POLR1C: variants seen among roughly 807,000 people sequenced by gnomAD.
POLR1C encodes the protein DNA-directed RNA polymerases I and III subunit RPAC1.
A neutral mutation model predicts 38.3 loss-of-function variants in POLR1C; 42 were observed. That is an observed-to-expected ratio of 1.10 (90% CI 0.86 to 1.42). The LOEUF is 1.42. Ranked by LOEUF, POLR1C falls within the 40% of genes most tolerant of loss-of-function variation. The probability of loss-of-function intolerance (pLI) is 0.00; values close to 1 mark genes in which losing one functional copy is unlikely to be tolerated. For missense variants in POLR1C, 507 were observed against 450.5 expected (o/e 1.13, Z -1.14); for synonymous variants, 163 against 163.9 (o/e 0.99, Z 0.04).
At chr6:43,533,867 A>T, downstream of POLR1C, 1 of 1,477,074 alleles carries the variant, frequency 6.8e-7, no homozygotes, top group Non-Finnish European at 9.3e-7. Flanking sequence ...TCCATTAGGG[A>T]TAAGATAAAC....
chr6:43,536,337 C>T (rs151095248), intron 9 of POLR1C, among the ~76,000 whole-genome samples: 1 of 151,330 alleles, frequency 6.6e-6, no homozygotes, highest in African/African-American at 2.4e-5. Context: ...ATCGCTTGAA[C>T]CCAGGAGGCG....
Position 43,519,784 on chromosome 6 carries a change from C to G in POLR1C, c.328C>G (p.Leu110Val), listed in dbSNP as rs1483232521. Residue 110 changes from leucine to valine, a missense_variant, in exon 4 of 9, where the codon CTG becomes GTG. By Grantham distance (32) the Leu-to-Val change is conservative. Transcript: ENST00000642195. ...TCAGGATGAGATTCTTGCTCACCGTCTGGGGCTCATTCCCATTCATGCTGA... is the reference window on the plus strand; with the variant it reads ...TCAGGATGAGATTCTTGCTCACCGTGTGGGGCTCATTCCCATTCATGCTGA... ...IVQDEILAHR[L>V]GLIPIHADPR... The G allele has an allele frequency of 4.3e-6, 7 of 1,614,082 alleles. No homozygotes were observed. The highest frequency in any genetic ancestry group is 4.0e-5 in the African/African-American group (3 of 74,930).
intron 9 of POLR1C, among the ~76,000 whole-genome samples, chr6:43,542,854 TCTA>T (rs1325223309): frequency 6.6e-6 from 1 of 152,206 alleles, no homozygotes; most frequent in East Asian, 1.9e-4. Context: ...AGCTAGGAAT[TCTA>T]CTCCTATGTG....
At chr6:43,527,497 C>A in intron 8 of POLR1C, 1 of 796,340 alleles carries the variant, frequency 1.3e-6, no homozygotes, top group Non-Finnish European at 2.0e-6. Context: ...TGGTCTTGAT[C>A]TTTTGACCTC....
downstream of POLR1C, chr6:43,525,431 C>T: frequency 1.8e-6 from 1 of 551,258 alleles, no homozygotes; most frequent in Non-Finnish European, 3.2e-6. Context: ...TGCCACCATG[C>T]CTGGCTTAGG....
chr6:43,528,937 A>G lies in POLR1C; in HGVS notation c.923-312A>G, dbSNP rs771519947. ...CTTTACAAAGACACGTGCTGCAACA[A>G]GTTAAGAAATTTTAGTGCATAGGCA... is the stretch of plus-strand genomic sequence containing the variant. On this transcript the variant is annotated intron_variant, in intron 8 of 8. Coordinates refer to the POLR1C transcript ENST00000304004. 5.2e-5 allele frequency: 84 copies of G among 1,608,218 alleles called. No individual in the cohort carries two copies. Among genetic ancestry groups the G allele is most frequent in the Non-Finnish European group, 6.6e-5 (78 of 1,177,992 alleles).
intron 9 of POLR1C, chr6:43,549,637 AT>A (rs1795133435): frequency 1.3e-6 from 2 of 1,563,050 alleles, no homozygotes; most frequent in African/African-American, 2.7e-5. Flanking sequence ...CAGGTGCTGC[AT>A]AGACTCATGT....
Position 43,517,114 on chromosome 6 carries a change from C to G in POLR1C, c.5C>G (p.Ala2Gly). 3.1e-6 allele frequency: 5 copies of G among 1,614,040 alleles called. No individual in the cohort carries two copies. Among genetic ancestry groups the G allele is most frequent in the Admixed American group, 1.7e-5 (1 of 60,020 alleles). MAASQAVEEMRS... is the reference protein window; with the variant it reads MGASQAVEEMRS... ...AGTCTCGTGGAGAGATTGAAGATGG[C>G]GGCTTCTCAGGCGGTGGAGGAAATG... Residue 2 changes from alanine to glycine, a missense_variant, in exon 1 of 9, where the codon GCG becomes GGG. Coordinates refer to ENST00000642195, the MANE Select transcript of POLR1C (RefSeq NM_203290.4).
downstream of POLR1C, chr6:43,524,352 C>CAAAAAA: frequency 3.7e-6 from 4 of 1,069,122 alleles, no homozygotes; most frequent in Non-Finnish European, 5.0e-6. Context: ...AACCCCATCT[C>CAAAAAA]AAAAAAAAAA....
intron 9 of POLR1C, among the ~76,000 whole-genome samples, chr6:43,540,444 A>C (rs1794631852): frequency 6.6e-6 from 1 of 152,018 alleles, no homozygotes; most frequent in Non-Finnish European, 1.5e-5. Context: ...GCGCCACTGC[A>C]CTCCAGCCTG....
chr6:43,539,206 G>C, intron 9 of POLR1C: 1 of 1,156,184 alleles, frequency 8.6e-7, no homozygotes, highest in Non-Finnish European at 1.3e-6. Context: ...AGTAGCCTCT[G>C]TGCACGGGGA....
chr6:43,551,553 C>CTTTAAA, intron 10 of POLR1C: 3 of 1,438,672 alleles, frequency 2.1e-6, no homozygotes, highest in Non-Finnish European at 2.9e-6. Flanking sequence ...GACAGGGTCT[C>CTTTAAA]ATTCTGTCAC....
chr6:43,524,366 A>AC, downstream of POLR1C: 1 of 1,427,982 alleles, frequency 7.0e-7, no homozygotes, highest in East Asian at 2.5e-5. Context: ...AAAAAAAAAA[A>AC]AAAAATCTCA....
At chr6:43,539,260 G>A (rs1042317891) in intron 9 of POLR1C, 128 of 1,438,736 alleles carry the variant, frequency 8.9e-5, no homozygotes, top group Middle Eastern at 8.6e-4. Flanking sequence ...GGGTGGCGGT[G>A]GCCACCTCCT....
chr6:43,556,216 TTC>T (rs1328925953), intron 10 of POLR1C: 1 of 396,902 alleles, frequency 2.5e-6, no homozygotes. Context: ...AGTCTCCCAT[TTC>T]TGTTTGAATT....
chr6:43,518,896 G>A (rs1010000383), intron 2 of POLR1C, among the ~76,000 whole-genome samples: 7 of 152,248 alleles, frequency 4.6e-5, no homozygotes, highest in African/African-American at 1.7e-4. Flanking sequence ...TGGCCAGGCT[G>A]GTCTCAAACT....
intron 10 of POLR1C, chr6:43,555,273 T>C (rs1387262497): frequency 2.0e-5 from 3 of 152,842 alleles, no homozygotes; most frequent in Non-Finnish European, 4.4e-5. Flanking sequence ...CACACACATA[T>C]AGCATGCATT....
chr6:43,528,168 C>T (rs758485336), intron 8 of POLR1C: 1 of 1,593,796 alleles, frequency 6.3e-7, no homozygotes, highest in South Asian at 1.1e-5. Context: ...CCACAGCAGG[C>T]TCCTTTGGTT....
At chr6:43,558,282 A>G (rs1015259273) in intron 10 of POLR1C, among the ~76,000 whole-genome samples, 3 of 152,118 alleles carry the variant, frequency 2.0e-5, no homozygotes, top group African/African-American at 4.8e-5. Context: ...CTAAACATCA[A>G]TGTCTAAGTG....
Sources: allele counts gnomAD v4.1 joint callset (sites outside exome capture counted in the v4.1 genomes callset), GRCh38; gene constraint gnomAD v4.1.1; transcripts MANE v1.5; gene names NCBI Gene and HGNC (gene_info 2026-07-23, HGNC 2026-07-21).